Variants in FRMD5 observed in about 807,000 individuals in gnomAD.
The protein encoded by FRMD5 is FERM domain-containing protein 5.
A neutral mutation model predicts 69.0 loss-of-function variants in FRMD5; 20 were observed. That is an observed-to-expected ratio of 0.29 (90% CI 0.20 to 0.42). The LOEUF (loss-of-function observed/expected upper bound fraction) is 0.42, where lower values mean the gene tolerates loss of function less well. Ranked by LOEUF, FRMD5 falls within the 10% of genes least tolerant of loss-of-function variation. FRMD5 has a pLI of 1.00. For missense variants in FRMD5, 595 were observed against 708.6 expected, an observed-to-expected ratio of 0.84 and a Z score of 1.82; for synonymous variants, 271 against 260.1, an observed-to-expected ratio of 1.04 and a Z score of -0.40.
rs78376284 is a variant in FRMD5, at chr15:43,925,762, C to T, written c.103-1453G>A. ...TGAACTCCCCAAGGCTTTTCTGCCACTGTCTTTGCATTCCCTCTGCCGGGA... is the reference window on the plus strand; with the variant it reads ...TGAACTCCCCAAGGCTTTTCTGCCATTGTCTTTGCATTCCCTCTGCCGGGA... On this transcript the variant is annotated intron_variant, in intron 1 of 13. Transcript: ENST00000417257. 2.0e-5 allele frequency among the ~76,000 whole-genome samples: 3 copies of T among 152,342 alleles called. No individual in the cohort carries two copies. The East Asian group carries it at 5.8e-4, about 29-fold the overall frequency.
At chr15:43,995,554 T>A (rs920675568) in intron 1 of FRMD5, among the ~76,000 whole-genome samples, 1 of 151,892 alleles carries the variant, frequency 6.6e-6, no homozygotes, top group African/African-American at 2.4e-5. Flanking sequence ...CAGGAGTGGG[T>A]CTGGACCATG....
chr15:44,029,386 A>G lies in FRMD5; in HGVS notation c.103-105077T>C, dbSNP rs181194272. 5.9e-5 allele frequency among the ~76,000 whole-genome samples: 9 copies of G among 152,330 alleles called. No individual in the cohort carries two copies. In the East Asian group the frequency reaches 1.7e-3, roughly 29 times the overall value. On this transcript the variant is annotated intron_variant, in intron 1 of 13. Transcript: ENST00000417257. The stretch of plus-strand genomic sequence containing the variant: ...TTCGACCTTGCAGTCACAATAAGAA[A>G]GCAGCAATAGGAACCAGAATGGGTG...
chr15:44,192,790 TAAC>T lies in FRMD5; in HGVS notation c.102+2160_102+2162del, dbSNP rs1328032790. ...AAAGAATGACAACATTACATATACT[TAAC>T]AATCCCTGTGTTCTTTAGATTCCAT... On this transcript the variant is annotated intron_variant, in intron 1 of 13. Coordinates refer to ENST00000417257, the MANE Select transcript of FRMD5 (RefSeq NM_032892.5). Among the ~76,000 whole-genome samples, 12 of 152,314 alleles carry T rather than the reference TAAC, an allele frequency of 7.9e-5. No individual in the cohort carries two copies. In the South Asian group the frequency reaches 2.3e-3, roughly 29 times the overall value.
intron 1 of FRMD5, among the ~76,000 whole-genome samples, chr15:43,979,422 T>A (rs1170107600): frequency 6.6e-6 from 1 of 151,916 alleles, no homozygotes; most frequent in African/African-American, 2.4e-5. Flanking sequence ...CAGATATTGA[T>A]CCATGGTTAT....
chr15:43,907,610 C>T (rs1346053561), intron 5 of FRMD5, among the ~76,000 whole-genome samples: 1 of 151,796 alleles, frequency 6.6e-6, no homozygotes, highest in Non-Finnish European at 1.5e-5. Context: ...CTGCAGACTC[C>T]GCCTCCCAGG....
intron 13 of FRMD5, among the ~76,000 whole-genome samples, chr15:43,876,875 C>T (rs78227853): frequency 0.029 from 4,458 of 152,156 alleles, 143 homozygotes; most frequent in Admixed American, 0.086. Flanking sequence ...GATCTTGTTG[C>T]GGGGGTGGAT....
chr15:43,975,395 T>C (rs1207242753), intron 1 of FRMD5, among the ~76,000 whole-genome samples: 1 of 151,968 alleles, frequency 6.6e-6, no homozygotes, highest in African/African-American at 2.4e-5. Flanking sequence ...TAAGAGACCA[T>C]AAGATCACCC....
At chr15:43,900,329 G>A (rs1159320525) in intron 7 of FRMD5, among the ~76,000 whole-genome samples, 2 of 152,202 alleles carry the variant, frequency 1.3e-5, no homozygotes, top group African/African-American at 4.8e-5. Context: ...GTTACACAGA[G>A]GGCATTGTTT....
intron 1 of FRMD5, among the ~76,000 whole-genome samples, chr15:43,930,331 T>C (rs2089652934): frequency 6.6e-6 from 1 of 152,336 alleles, no homozygotes; most frequent in South Asian, 2.1e-4. Flanking sequence ...CTGCAAGCAA[T>C]ACTCTCTTGA....
At chr15:44,033,243 G>A (rs908452871) in intron 1 of FRMD5, among the ~76,000 whole-genome samples, 3 of 152,056 alleles carry the variant, frequency 2.0e-5, no homozygotes, top group African/African-American at 7.2e-5. Context: ...CTACTTGAAG[G>A]GGGAGGATGC....
At chr15:44,012,766 T>C (rs1300115747) in intron 1 of FRMD5, among the ~76,000 whole-genome samples, 3 of 142,964 alleles carry the variant, frequency 2.1e-5, no homozygotes, top group Non-Finnish European at 4.5e-5. Flanking sequence ...ATTGGGTTTT[T>C]TTTTTTTTTT....
intron 1 of FRMD5, among the ~76,000 whole-genome samples, chr15:43,978,450 G>C (rs1164859706): frequency 6.6e-6 from 1 of 152,096 alleles, no homozygotes; most frequent in Admixed American, 6.5e-5. Context: ...ATTGAGTTGG[G>C]GTACCTGGGC....
At chr15:43,877,638 C>T (rs1454170720) in intron 13 of FRMD5, among the ~76,000 whole-genome samples, 7 of 152,236 alleles carry the variant, frequency 4.6e-5, no homozygotes, top group African/African-American at 1.7e-4. Flanking sequence ...CGTCACGGCT[C>T]ATATATTTGC....
chr15:43,967,795 G>A (rs754533618), intron 1 of FRMD5, among the ~76,000 whole-genome samples: 2 of 151,392 alleles, frequency 1.3e-5, no homozygotes, highest in Admixed American at 6.6e-5. Flanking sequence ...GAATACATGT[G>A]CAGAATGTGC....
chr15:43,937,893 T>G (rs1185062190), intron 1 of FRMD5, among the ~76,000 whole-genome samples: 1 of 152,090 alleles, frequency 6.6e-6, no homozygotes, highest in Non-Finnish European at 1.5e-5. Flanking sequence ...GGACCCCTAG[T>G]GGGGACCTGG....
In FRMD5 at chr15:43,885,707, G is replaced by T; in HGVS notation, c.933C>A (p.Phe311Leu). Reference sequence around the variant, plus strand: ...TGTATCGGAACCGGCTCCCTTTAAAGAATAAATTGCTGCTGGACACTGTGC... The same window carrying T: ...TGTATCGGAACCGGCTCCCTTTAAATAATAAATTGCTGCTGGACACTGTGC... ...QVRTVSSSNL[F>L]FKGSRFRYSG... Residue 311 changes from phenylalanine (F) to leucine (L), a missense_variant, in exon 11 of 14, where the codon TTC becomes TTA. This residue lies in a region of FRMD5 where 176 missense variants were observed against 266.3 expected (regional missense o/e 0.66). Coordinates refer to ENST00000417257, the MANE Select transcript of FRMD5 (RefSeq NM_032892.5). 1 of 1,614,164 alleles carries T rather than the reference G, an allele frequency of 6.2e-7. No individual in the cohort carries two copies. Among genetic ancestry groups the T allele is most frequent in the Non-Finnish European group, 8.5e-7 (1 of 1,179,996 alleles).
At chr15:44,009,612 G>A (rs918176506) in intron 1 of FRMD5, among the ~76,000 whole-genome samples, 1 of 152,150 alleles carries the variant, frequency 6.6e-6, no homozygotes, top group African/African-American at 2.4e-5. Context: ...CTGGGAAGTC[G>A]AGGCTGCGGT....
chr15:44,012,333 G>T (rs558287594), intron 1 of FRMD5, among the ~76,000 whole-genome samples: 3 of 152,244 alleles, frequency 2.0e-5, no homozygotes, highest in Admixed American at 2.0e-4. Flanking sequence ...TAAACACTCT[G>T]CAGATATTCT....
At chr15:44,070,540 T>C (rs1027146792) in intron 1 of FRMD5, among the ~76,000 whole-genome samples, 1 of 152,164 alleles carries the variant, frequency 6.6e-6, no homozygotes, top group Non-Finnish European at 1.5e-5. Flanking sequence ...ACCTCACCAA[T>C]ACTGTGTGAC....
Sources: allele counts gnomAD v4.1 joint callset (sites outside exome capture counted in the v4.1 genomes callset), GRCh38; gene constraint gnomAD v4.1.1; regional missense constraint gnomAD v4.1.1; transcripts MANE v1.5; gene names NCBI Gene and HGNC (gene_info 2026-07-23, HGNC 2026-07-21).